The following MXD4 variants were observed in gnomAD, a reference collection of about 807,000 sequenced individuals.
MXD4 encodes the protein MAX dimerization protein 4.
A neutral mutation model predicts 24.5 loss-of-function variants in MXD4; 16 were observed. The ratio of observed to expected loss-of-function variants is 0.65; its 90% CI spans 0.44 to 0.99. The LOEUF is 0.99. Among genes scored for constraint, MXD4 ranks in the 50% least tolerant of loss-of-function variants. MXD4 has a pLI of 0.00. For missense variants in MXD4, 301 were observed against 301.5 expected (o/e 1.00, Z 0.01); for synonymous variants, 164 against 134.2 (o/e 1.22, Z -1.54).
At chr4:2,259,513 A>C (rs1735496698) in intron 2 of MXD4, among the ~76,000 whole-genome samples, 1 of 152,226 alleles carries the variant, frequency 6.6e-6, no homozygotes, top group Non-Finnish European at 1.5e-5. Flanking sequence ...TCCTCAGCCC[A>C]AACTGCAGCC....
In MXD4 at chr4:2,250,628, G is replaced by A. The variant is rs377193160; in HGVS notation, c.546C>T (p.Asp182=). 1.9e-6 allele frequency: 3 copies of A among 1,613,348 alleles called. No homozygotes were observed. The African/African-American group carries it at 4.0e-5, about 22-fold the overall frequency. The stretch of plus-strand genomic sequence containing the variant: ...CGGTGCCACTCTGCAGGCTGTAGTG[G>A]TCGTCCGCGTCACTGCTGCTGCCAA... The part of the protein sequence containing the change: ...DSVGSSSDAD[D]HYSLQSGTGG... Residue 182 remains aspartate (D), a synonymous_variant, in exon 6 of 6, where the codon GAC becomes GAT. Coordinates refer to ENST00000337190, the MANE Select transcript of MXD4 (RefSeq NM_006454.3).
chr4:2,252,030 C>T (rs577455320), intron 4 of MXD4, among the ~76,000 whole-genome samples: 1 of 152,266 alleles, frequency 6.6e-6, no homozygotes, highest in Non-Finnish European at 1.5e-5. Context: ...CTTCTGATGG[C>T]ACCCAGGAAA....
At chr4:2,257,571 C>A (rs1375785475) in intron 3 of MXD4, among the ~76,000 whole-genome samples, 3 of 152,254 alleles carry the variant, frequency 2.0e-5, no homozygotes, top group Admixed American at 2.0e-4. Context: ...CAGGGACTGG[C>A]TGCCCTCCAT....
At chr4:2,261,862 C>A in intron 1 of MXD4, 38 bp from the exon 2 acceptor site, 1 of 1,379,462 alleles carries the variant, frequency 7.2e-7, no homozygotes, top group Non-Finnish European at 9.4e-7. Context: ...CCCCGCCCGG[C>A]ACGGCCCCGC....
At position 2,257,991 on chromosome 4, in the gene MXD4, T is replaced by C; in HGVS notation, c.185A>G (p.Glu62Gly). ...CTGGGGGGTCACTTACCTGTGCTTTTCTAGCTCGTTGTGTGAAGACCTGTT... is the reference window on the plus strand; with the variant it reads ...CTGGGGGGTCACTTACCTGTGCTTTCCTAGCTCGTTGTGTGAAGACCTGTT... ...PNNRSSHNEL[E>G]KHRRAKLRLY... Residue 62 changes from glutamate to glycine, a missense_variant, in exon 3 of 6, where the codon GAA (glutamate) becomes GGA (glycine). Glu to Gly is a moderately conservative substitution (Grantham distance 98). Transcript: ENST00000337190. 6.2e-7 allele frequency: 1 copy of C among 1,613,750 alleles called. No homozygotes were observed. Among genetic ancestry groups the C allele is most frequent in the Non-Finnish European group, 8.5e-7 (1 of 1,179,942 alleles).
intron 2 of MXD4, 48 bp downstream of exon 2, chr4:2,261,677 G>A (rs1053931233): frequency 6.3e-6 from 7 of 1,119,886 alleles, no homozygotes; most frequent in African/African-American, 1.7e-5. Context: ...CCGGGCGGGG[G>A]CGGGGGTTCG....
rs748488351 is a variant in MXD4 at position 2,251,067 on chromosome 4, C to G, written c.472+17G>C. On this transcript the variant is annotated intron_variant, in intron 5 of 5. Coordinates refer to ENST00000337190, the MANE Select transcript of MXD4 (RefSeq NM_006454.3). ...CCCGGAGGCCCAGGTGAGGCTGCCC[C>G]GCGCCCCACGCCCCACCTTGCTCTG... 5 of 1,545,556 alleles carry G rather than the reference C, an allele frequency of 3.2e-6. No homozygotes were observed. Among genetic ancestry groups the G allele is most frequent in the Non-Finnish European group, 4.4e-6 (5 of 1,140,052 alleles).
chr4:2,253,865 A>C (rs1231081853), intron 3 of MXD4: 1 of 152,264 alleles, frequency 6.6e-6, no homozygotes, highest in Admixed American at 6.5e-5. Context: ...GTGCAGGGAA[A>C]GGGGTCCCAG....
Position 2,250,415 on chromosome 4 carries a change from G to T in MXD4, c.*129C>A. ...CAAGCGGGCAGTGCCAGGCAGCCCA[G>T]CAGCAGCTGGAGCTTCCAGAATGGC... On this transcript the variant is annotated 3_prime_UTR_variant, in exon 6 of 6. Transcript: ENST00000337190. 1 of 1,239,882 alleles carries T rather than the reference G, an allele frequency of 8.1e-7. No individual in the cohort carries two copies. The highest frequency in any genetic ancestry group is 1.5e-5 in the African/African-American group (1 of 65,504). 76.8% of individuals were successfully genotyped at this position (1,239,882 alleles called of 1,614,324 possible). A position where few individuals can be genotyped will look rare whatever the true frequency, so the allele number is the denominator to read the frequency against.
rs534906773 is a variant in MXD4 at position 2,251,195 on chromosome 4, G to C, written c.361C>G (p.Gln121Glu). Residue 121 changes from glutamine to glutamate, a missense_variant, in exon 5 of 6, where the codon CAG (glutamine) becomes GAG (glutamate). Coordinates refer to ENST00000337190, the MANE Select transcript of MXD4 (RefSeq NM_006454.3). The stretch of plus-strand genomic sequence containing the variant: ...CGCCGCTTCAGGAAACGATGCTCCT[G>C]CTGCAGCTGCTCCTTGATGCTCAGT... ...RALSIKEQLQ[Q>E]EHRFLKRRLE... The C allele has an allele frequency of 2.5e-5, 40 of 1,607,604 alleles. No individual in the cohort carries two copies. The South Asian group carries it at 4.1e-4, about 17-fold the overall frequency.
intron 3 of MXD4, among the ~76,000 whole-genome samples, chr4:2,257,256 G>A (rs1034130619): frequency 1.3e-5 from 2 of 152,218 alleles, no homozygotes; most frequent in African/African-American, 2.4e-5. Context: ...TAGGAAGGGA[G>A]GACAGAGCTG....
Position 2,250,597 on chromosome 4 carries a change from C to G in MXD4, c.577G>C (p.Asp193His), listed in dbSNP as rs141254970. The G allele has an allele frequency of 6.2e-7, 1 of 1,611,468 alleles. No individual in the cohort carries two copies. The highest frequency in any genetic ancestry group is 1.1e-5 in the South Asian group (1 of 90,816). The change falls in exon 6 of 6, where the codon GAC (aspartate) becomes CAC (histidine). Residue 193 changes from aspartate (D) to histidine (H), a missense_variant. By Grantham distance (81) the Asp-to-His change is moderately conservative (BLOSUM62 -1). Coordinates refer to ENST00000337190, the MANE Select transcript of MXD4 (RefSeq NM_006454.3). ...CGGCAGTGGGGCCCGAAGCCACTGTCGCCGCCGGTGCCACTCTGCAGGCTG... is the reference window on the plus strand; with the variant it reads ...CGGCAGTGGGGCCCGAAGCCACTGTGGCCGCCGGTGCCACTCTGCAGGCTG... ...HYSLQSGTGG[D>H]SGFGPHCRRL... is the part of the protein sequence containing the mutation.
chr4:2,259,387 G>A (rs1051816887), intron 2 of MXD4, among the ~76,000 whole-genome samples: 4 of 152,164 alleles, frequency 2.6e-5, no homozygotes, highest in African/African-American at 7.2e-5. Context: ...GGGCCGACCA[G>A]GGCCAGCAGA....
In MXD4 at chr4:2,249,557, G is replaced by A. The variant is rs1194092411; in HGVS notation, c.*987C>T. 2 of 152,024 alleles carry A rather than the reference G, an allele frequency of 1.3e-5. No homozygotes were observed. The highest frequency in any genetic ancestry group is 6.5e-5 in the Admixed American group (1 of 15,270). 9.4% of individuals were successfully genotyped at this position (152,024 alleles called of 1,614,324 possible). ...CTCCAGGAGCCCTAACCGGGCTGCTGGGCAGTGCAGCATTTTACTTTTTTG... is the reference window on the plus strand; with the variant it reads ...CTCCAGGAGCCCTAACCGGGCTGCTAGGCAGTGCAGCATTTTACTTTTTTG... On this transcript the variant is annotated 3_prime_UTR_variant, in exon 6 of 6. Coordinates refer to ENST00000337190, the MANE Select transcript of MXD4 (RefSeq NM_006454.3).
Position 2,255,124 on chromosome 4 carries a change from G to A in MXD4, c.195-2602C>T, listed in dbSNP as rs1186060325. ...TCATCAGGGATGAGAAGGTGGAGGA[G>A]TGTGCCCTGACGCAGGCGGACAGGA... On this transcript the variant is annotated intron_variant, in intron 3 of 5. Transcript: ENST00000337190. 1.6e-5 allele frequency: 6 copies of A among 371,676 alleles called. No individual in the cohort carries two copies. The Admixed American group carries it at 2.0e-4, about 12-fold the overall frequency. 23.0% of individuals were successfully genotyped at this position (371,676 alleles called of 1,614,324 possible). A position where few individuals can be genotyped will look rare whatever the true frequency, so the allele number is the denominator to read the frequency against.
chr4:2,252,079 C>T (rs1735334890), intron 4 of MXD4, among the ~76,000 whole-genome samples: 1 of 152,298 alleles, frequency 6.6e-6, no homozygotes, highest in Middle Eastern at 3.4e-3. Flanking sequence ...TGCCTCTTCA[C>T]AGCCCAGGAC....
At chr4:2,252,151 C>G (rs963587013) in intron 4 of MXD4, among the ~76,000 whole-genome samples, 7 of 152,176 alleles carry the variant, frequency 4.6e-5, no homozygotes, top group African/African-American at 1.7e-4. Context: ...TGCGATGCGG[C>G]TTCTTATGCC....
rs781192102 is a variant in MXD4 at position 2,252,462 on chromosome 4, G to A, written c.255C>T (p.Asp85=). The A allele has an allele frequency of 6.2e-7, 1 of 1,611,780 alleles. No homozygotes were observed. Among genetic ancestry groups the A allele is most frequent in the Non-Finnish European group, 8.5e-7 (1 of 1,179,986 alleles). ...QLKQLVPLGP[D]STRHTTLSLL... is the part of the protein sequence containing the mutation. ...GGCTCAGCGTGGTGTGGCGGGTGCT[G>A]TCGGGGCCCAGGGGCACCAGTTGCT... Residue 85 remains aspartate, a synonymous_variant, in exon 4 of 6, where the codon GAC becomes GAT. Coordinates refer to ENST00000337190, the MANE Select transcript of MXD4 (RefSeq NM_006454.3).
chr4:2,255,278 T>C, intron 3 of MXD4: 1 of 455,728 alleles, frequency 2.2e-6, no homozygotes, highest in South Asian at 1.5e-5. Context: ...AGCCTCTGAG[T>C]GCCTGGGATG....
Sources: allele counts gnomAD v4.1 joint callset (sites outside exome capture counted in the v4.1 genomes callset), GRCh38; gene constraint gnomAD v4.1.1; transcripts MANE v1.5; gene names NCBI Gene and HGNC (gene_info 2026-07-23, HGNC 2026-07-21).